Variants in TMC6 observed in about 807,000 individuals in gnomAD.
TMC6 encodes the protein transmembrane channel like 6.
In TMC6, 71 loss-of-function variants were observed where a neutral mutation model predicts 95.4. That is an observed-to-expected ratio of 0.74 (90% CI 0.61 to 0.91). The LOEUF is 0.91. Among genes scored for constraint, TMC6 ranks in the 40% least tolerant of loss-of-function variants. TMC6 has a pLI of 0.00. For synonymous variants in TMC6, 514 were observed against 483.1 expected (o/e 1.06, Z -0.84); for missense variants, 1,074 against 1,079.1 (o/e 1.00, Z 0.07).
At chr17:78,131,262 C>T (rs1388846984), upstream of TMC6, 1 of 478,008 alleles carries the variant, frequency 2.1e-6, no homozygotes, top group Admixed American at 3.4e-5. Context: ...CCCTTTGGAT[C>T]TTTCACCCCA....
chr17:78,115,912 G>A (rs113198990), intron 18 of TMC6, among the ~76,000 whole-genome samples: 3,348 of 135,354 alleles, frequency 0.025, 102 homozygotes, highest in African/African-American at 0.051. Flanking sequence ...TGGGCACAGG[G>A]GCGAAGGGAG....
Position 78,124,739 on chromosome 17 carries a change from C to G in TMC6, c.676G>C (p.Ala226Pro). 6.3e-7 allele frequency: 1 copy of G among 1,587,172 alleles called. No homozygotes were observed. The highest frequency in any genetic ancestry group is 8.6e-7 in the Non-Finnish European group (1 of 1,167,398). ...LGLALLSALQ[A>P]LMPWRYALKR... Reference sequence around the variant, plus strand: ...AGGGCGTAGCGCCACGGCATCAGGGCCTGCAGGGCGGAGAGCAGCGCCAGG... The same window carrying G: ...AGGGCGTAGCGCCACGGCATCAGGGGCTGCAGGGCGGAGAGCAGCGCCAGG... Residue 226 changes from alanine to proline, a missense_variant, in exon 8 of 20, where the codon GCC becomes CCC. Physicochemically the swap from Ala to Pro is conservative, Grantham distance 27 (BLOSUM62 -1). Coordinates refer to ENST00000590602, the MANE Select transcript of TMC6 (RefSeq NM_001127198.5).
At chr17:78,129,115 C>T (rs1161383743), upstream of TMC6, among the ~76,000 whole-genome samples, 1 of 68,216 alleles carries the variant, frequency 1.5e-5, no homozygotes, top group Non-Finnish European at 3.4e-5. The surrounding 1 kb of genome is among the most constrained non-coding windows in gnomAD (Gnocchi z 4.3). Context: ...GATTGGGCAG[C>T]GCCCCCCCCC....
intron 13 of TMC6, chr17:78,120,111 TCC>T (rs1271093013): frequency 3.0e-4 from 98 of 329,996 alleles, no homozygotes; most frequent in African/African-American, 2.0e-3. Flanking sequence ...TGTGTGTTTT[TCC>T]TTTGTATCCT....
At chr17:78,126,710 G>T (rs2074737073) in intron 2 of TMC6, 62 bp from the exon 3 acceptor site, 1 of 1,611,822 alleles carries the variant, frequency 6.2e-7, no homozygotes, top group Non-Finnish European at 8.5e-7. Context: ...AGCAGCCCCT[G>T]CTCAGGTGAC....
chr17:78,128,803 G>GGGT (rs1330195218), upstream of TMC6: 3 of 135,384 alleles, frequency 2.2e-5, no homozygotes, highest in Non-Finnish European at 4.7e-5. The surrounding 1 kb of genome is among the most constrained non-coding windows in gnomAD (Gnocchi z 4.0). Context: ...GTGGGCGGGG[G>GGGT]GGGGGGGGGC....
rs997496631 is a variant in TMC6 at position 78,113,407 on chromosome 17, C to T, written c.2354+141G>A. On this transcript the variant is annotated intron_variant, in intron 19 of 19. Coordinates refer to ENST00000590602, the MANE Select transcript of TMC6 (RefSeq NM_001127198.5). ...CTCTAGAGAGAGTGAAGGTGGGCGC[C>T]GGGGGGGAGATTTTTGTAGGTCAAA... is the stretch of plus-strand genomic sequence containing the variant. 1.7e-5 allele frequency: 21 copies of T among 1,240,070 alleles called. No individual in the cohort carries two copies. In the Middle Eastern group the frequency reaches 5.6e-4, roughly 33 times the overall value. The allele number at this position is 1,240,070 out of a possible 1,614,324, so 76.8% of individuals were successfully genotyped here.
chr17:78,123,974 A>C lies in TMC6; in HGVS notation c.1082+15T>G, dbSNP rs2074563774. The C allele has an allele frequency of 6.2e-7, 1 of 1,613,578 alleles. No individual in the cohort carries two copies. The highest frequency in any genetic ancestry group is 1.3e-5 in the African/African-American group (1 of 75,002). On this transcript the variant is annotated intron_variant, in intron 9 of 19. Transcript: ENST00000590602. ...AGTGGAGCTCGGAGCCTGGGTCATG[A>C]GGTGGAGGCATTACCTGTACACCAG...
In TMC6 at chr17:78,110,037, G is replaced by C. The variant is rs904540575; in HGVS notation, c.*3111C>G. The C allele has an allele frequency of 6.5e-6, 1 of 153,022 alleles. No individual in the cohort carries two copies. The highest frequency in any genetic ancestry group is 2.4e-5 in the African/African-American group (1 of 41,118). The allele number at this position is 153,022 out of a possible 1,614,324, so 9.5% of individuals were successfully genotyped here. A position where few individuals can be genotyped will look rare whatever the true frequency, so the allele number is the denominator to read the frequency against. On this transcript the variant is annotated 3_prime_UTR_variant, in exon 20 of 20. Transcript: ENST00000590602. Reference sequence around the variant, plus strand: ...GCCAAGATCGTCCCGTTGCACTCCAGCCTGGGGAACAAGAGTGAAACTCCA... The same window carrying C: ...GCCAAGATCGTCCCGTTGCACTCCACCCTGGGGAACAAGAGTGAAACTCCA...
rs376804045 is a variant in TMC6, at chr17:78,120,602, G to C, written c.1715+51C>G. 4 of 1,605,622 alleles carry C rather than the reference G, an allele frequency of 2.5e-6. No individual in the cohort carries two copies. The African/African-American group carries it at 4.1e-5, about 16-fold the overall frequency. ...TGAGAACCTCCCGGCCACACGTCCC[G>C]GCCACTAAGGGGAGAACACTCACCA... On this transcript the variant is annotated intron_variant, in intron 13 of 19. Transcript: ENST00000590602.
rs1228281183 is a variant in TMC6, at chr17:78,126,311, G to A, written c.237C>T (p.Leu79=). Reference sequence around the variant, plus strand: ...GGCTGGGCATGCTGGCCAGGATGCGGAGTGTGGCCGTGCTCTGGGTGCCCT... The same window carrying A: ...GGCTGGGCATGCTGGCCAGGATGCGAAGTGTGGCCGTGCTCTGGGTGCCCT... ...RPEGTQSTAT[L]RILASMPSRT... The change falls in exon 4 of 20, where the codon CTC becomes CTT. Residue 79 remains leucine (L), a synonymous_variant. Coordinates refer to ENST00000590602, the MANE Select transcript of TMC6 (RefSeq NM_001127198.5). 1 of 1,569,348 alleles carries A rather than the reference G, an allele frequency of 6.4e-7. No individual in the cohort carries two copies. Among genetic ancestry groups the A allele is most frequent in the African/African-American group, 1.3e-5 (1 of 74,110 alleles).
chr17:78,115,659 G>A (rs2074049875), intron 18 of TMC6, among the ~76,000 whole-genome samples: 3 of 145,664 alleles, frequency 2.1e-5, no homozygotes, highest in Non-Finnish European at 4.5e-5. Flanking sequence ...GTGGGCACAG[G>A]GGCGAAGGGA....
intron 6 of TMC6, 55 bp downstream of exon 6, chr17:78,125,103 G>A: frequency 1.9e-6 from 3 of 1,545,874 alleles, no homozygotes; most frequent in South Asian, 2.4e-5. Flanking sequence ...CCCAGCTGAG[G>A]AAGTGGGTCT....
rs941251243 is a variant in TMC6 at position 78,122,940 on chromosome 17, A to C, written c.1083-191T>G. On this transcript the variant is annotated intron_variant, in intron 9 of 19. Coordinates refer to ENST00000590602, the MANE Select transcript of TMC6 (RefSeq NM_001127198.5). This position sits in a 1 kb window ranked among gnomAD's most constrained non-coding sequence, Gnocchi z 4.9. ...CTACACCAGTCTCATCCAACATAGC[A>C]CCCACCAGCCACATCTGCCTAGAAG... The C allele has an allele frequency of 8.2e-6, 6 of 735,588 alleles. No homozygotes were observed. The highest frequency in any genetic ancestry group is 5.1e-5 in the South Asian group (3 of 58,882). 45.6% of individuals were successfully genotyped at this position (735,588 alleles called of 1,614,324 possible). A position where few individuals can be genotyped will look rare whatever the true frequency, so the allele number is the denominator to read the frequency against.
chr17:78,117,208 G>C, intron 18 of TMC6, 61 bp downstream of exon 18: 1 of 1,550,326 alleles, frequency 6.5e-7, no homozygotes. Flanking sequence ...GTGGAGGGGA[G>C]CGTCACCCTC....
chr17:78,119,060 G>A lies in TMC6; in HGVS notation c.1812-14C>T. 1.3e-6 allele frequency: 2 copies of A among 1,568,554 alleles called. No homozygotes were observed. The highest frequency in any genetic ancestry group is 1.2e-5 in the South Asian group (1 of 86,292). ...AGCACCCCCAGCCTGGGGAGGGGGT[G>A]GCAGTTCAGGGGCTGCTCCAGTGCC... is the stretch of plus-strand genomic sequence containing the variant. On this transcript the variant is annotated splice_polypyrimidine_tract_variant and intron_variant, in intron 14 of 19. Transcript: ENST00000590602.
intron 18 of TMC6, chr17:78,114,019 C>T (rs1044883022): frequency 1.8e-5 from 6 of 327,926 alleles, no homozygotes; most frequent in African/African-American, 4.3e-5. Flanking sequence ...CTGCTGCTGT[C>T]GTAACGAACT....
chr17:78,120,051 C>G (rs774937951), intron 13 of TMC6: 5 of 384,480 alleles, frequency 1.3e-5, no homozygotes, highest in Non-Finnish European at 2.5e-5. Flanking sequence ...GAACCCACAG[C>G]GGAATACCTG....
At chr17:78,119,476 G>T in intron 13 of TMC6, 84 bp from the exon 14 acceptor site, 2 of 1,375,696 alleles carry the variant, frequency 1.5e-6, no homozygotes, top group Non-Finnish European at 2.1e-6. Context: ...GAGGCACCCC[G>T]CCCCCAGCCA....
Sources: gnomAD v4.1 joint callset for allele counts (sites outside exome capture counted in the v4.1 genomes callset) on GRCh38, gnomAD v4.1.1 for gene constraint, Gnocchi (gnomAD v3.1) non-coding constraint, MANE v1.5 for transcripts, NCBI Gene and HGNC (gene_info 2026-07-23, HGNC 2026-07-21) for gene names.